TLN2: variants seen among roughly 807,000 people sequenced by gnomAD.
TLN2 encodes talin 2, also known as talin-2.
Under a neutral mutation model 294.7 loss-of-function variants are expected in TLN2, and 118 were observed. The ratio of observed to expected loss-of-function variants is 0.40; its 90% confidence interval spans 0.34 to 0.47. TLN2 has a LOEUF of 0.47. TLN2 is among the 20% of genes least tolerant of loss of function. The probability of loss-of-function intolerance (pLI) is 0.84; values close to 1 mark genes in which losing one functional copy is unlikely to be tolerated. For synonymous variants in TLN2, 1,431 were observed against 1,304.5 expected, an observed-to-expected ratio of 1.10 and a Z score of -2.09; for missense variants, 3,083 against 3,282.2, an observed-to-expected ratio of 0.94 and a Z score of 1.48.
intron 2 of TLN2, among the ~76,000 whole-genome samples, chr15:62,609,011 G>T (rs1382118653): frequency 6.6e-6 from 1 of 152,066 alleles, no homozygotes; most frequent in Non-Finnish European, 1.5e-5. Context: ...GAGCATAGAG[G>T]CCGGGCACTA....
chr15:62,705,167 A>T (rs765215966), intron 19 of TLN2, among the ~76,000 whole-genome samples: 1 of 152,242 alleles, frequency 6.6e-6, no homozygotes, highest in African/African-American at 2.4e-5. Flanking sequence ...GTTCAGGTTC[A>T]GGGTGACAGT....
At chr15:62,549,116 CT>C (rs1234500565) in intron 1 of TLN2, among the ~76,000 whole-genome samples, 3 of 152,060 alleles carry the variant, frequency 2.0e-5, no homozygotes, top group Non-Finnish European at 4.4e-5. Flanking sequence ...AATTAGCTGC[CT>C]TTAATTGAGA....
chr15:62,505,318 C>CT (rs2039555789), intron 1 of TLN2, among the ~76,000 whole-genome samples: 1 of 152,196 alleles, frequency 6.6e-6, no homozygotes, highest in Non-Finnish European at 1.5e-5. Context: ...CCTTGCCCTC[C>CT]TCTTCCTCTT....
chr15:62,481,052 C>A (rs909414932), intron 1 of TLN2, among the ~76,000 whole-genome samples: 2 of 152,144 alleles, frequency 1.3e-5, no homozygotes, highest in African/African-American at 2.4e-5. Context: ...CGAACTAGTC[C>A]ATTTTTTCAT....
chr15:62,680,168 A>T (rs1177359688), intron 11 of TLN2, among the ~76,000 whole-genome samples: 1 of 152,032 alleles, frequency 6.6e-6, no homozygotes, highest in South Asian at 2.1e-4. Flanking sequence ...TTTCCTTTTC[A>T]TATATACTTT....
intron 1 of TLN2, among the ~76,000 whole-genome samples, chr15:62,462,042 G>A (rs2140342256): frequency 6.6e-6 from 1 of 152,114 alleles, no homozygotes; most frequent in East Asian, 1.9e-4. Context: ...CCGATATGGT[G>A]AAACCCCGTC....
At chr15:62,756,283 A>C (rs1169916179) in intron 37 of TLN2, among the ~76,000 whole-genome samples, 3 of 152,180 alleles carry the variant, frequency 2.0e-5, no homozygotes, top group East Asian at 3.9e-4. Flanking sequence ...CTTTGCATTA[A>C]GGTATATGGG....
chr15:62,575,559 A>T (rs2044312622), intron 1 of TLN2, among the ~76,000 whole-genome samples: 1 of 152,104 alleles, frequency 6.6e-6, no homozygotes, highest in South Asian at 2.1e-4. Flanking sequence ...GAGCTAAATA[A>T]TGGAGGTTTT....
intron 57 of TLN2, chr15:62,838,292 A>G (rs2070045081): frequency 6.6e-6 from 1 of 152,338 alleles, no homozygotes; most frequent in South Asian, 2.1e-4. Context: ...GGATGCAGGG[A>G]TTCCGGTCAC....
chr15:62,741,748 C>CGCGTGTGT, intron 32 of TLN2, among the ~76,000 whole-genome samples: 2 of 131,070 alleles, frequency 1.5e-5, no homozygotes, highest in African/African-American at 5.8e-5. Flanking sequence ...AAAATTTGCG[C>CGCGTGTGT]GTGTGTGTGT....
At position 62,635,394 on chromosome 15, in the gene TLN2, C is replaced by T. The variant is rs1029275010; in HGVS notation, c.-36-11881C>T. Among the ~76,000 whole-genome samples the T allele has an allele frequency of 3.3e-5, 5 of 151,854 alleles. No homozygotes were observed. In the South Asian group the frequency reaches 8.3e-4, roughly 25 times the overall value. Reference sequence around the variant, plus strand: ...ACAGCTATTAAATTAAATTATGGGGCCTTATTTACAATATTATGTATTTAT... The same window carrying T: ...ACAGCTATTAAATTAAATTATGGGGTCTTATTTACAATATTATGTATTTAT... On this transcript the variant is annotated intron_variant, in intron 3 of 58. Transcript: ENST00000636159.
chr15:62,461,232 C>G (rs2036787342), intron 1 of TLN2, among the ~76,000 whole-genome samples: 1 of 152,204 alleles, frequency 6.6e-6, no homozygotes, highest in Non-Finnish European at 1.5e-5. Flanking sequence ...GCGTGAGCCA[C>G]CGCGTCTGGC....
In TLN2 at chr15:62,427,756, T is replaced by C. The variant is rs1486410963; in HGVS notation, c.-238+37071T>C. Among the ~76,000 whole-genome samples, 7 of 152,284 alleles carry C rather than the reference T, an allele frequency of 4.6e-5. No homozygotes were observed. The East Asian group carries it at 1.2e-3, about 25-fold the overall frequency. On this transcript the variant is annotated intron_variant, in intron 1 of 58. Coordinates refer to ENST00000636159, the MANE Select transcript of TLN2 (RefSeq NM_015059.3). ...GGCCATGCCATGCAGACAACAAATA[T>C]GTAAATTGGATCTCAGCTTTGGGGG...
intron 40 of TLN2, among the ~76,000 whole-genome samples, chr15:62,765,088 C>T (rs2062914720): frequency 6.6e-6 from 1 of 151,316 alleles, no homozygotes; most frequent in Non-Finnish European, 1.5e-5. Context: ...TTAACTCCCT[C>T]ACTAGGAAGA....
chr15:62,673,833 G>A lies in TLN2; in HGVS notation c.795G>A (p.Lys265=), dbSNP rs761800640. 1 of 1,612,964 alleles carries A rather than the reference G, an allele frequency of 6.2e-7. No homozygotes were observed. Among genetic ancestry groups the A allele is most frequent in the South Asian group, 1.1e-5 (1 of 90,958 alleles). Residue 265 remains lysine, a synonymous_variant, in exon 10 of 59, where the codon AAG becomes AAA. Transcript: ENST00000636159. The stretch of plus-strand genomic sequence containing the variant: ...TTAAATGTCTCTCTCTTAGTCTGAA[G>A]GAATTCCTGCCCAAAGAATATATCA... ...HKHKPGFLDL[K]EFLPKEYIKQ...
At chr15:62,689,446 C>T (rs1201613073) in intron 12 of TLN2, among the ~76,000 whole-genome samples, 1 of 152,160 alleles carries the variant, frequency 6.6e-6, no homozygotes, top group Non-Finnish European at 1.5e-5. Flanking sequence ...CCGTCTATTA[C>T]ACTTCCCTTT....
At chr15:62,669,737 AAAC>A (rs956671711) in intron 9 of TLN2, among the ~76,000 whole-genome samples, 1 of 152,310 alleles carries the variant, frequency 6.6e-6, no homozygotes, top group South Asian at 2.1e-4. Flanking sequence ...TTGGTAATCA[AAAC>A]AACAACTGAG....
At chr15:62,824,977 AG>A (rs1416931486) in intron 54 of TLN2, among the ~76,000 whole-genome samples, 1 of 152,242 alleles carries the variant, frequency 6.6e-6, no homozygotes, top group Non-Finnish European at 1.5e-5. Flanking sequence ...TACTGTGTCT[AG>A]AAGTCATTGC....
At chr15:62,556,724 T>G (rs917515387) in intron 1 of TLN2, among the ~76,000 whole-genome samples, 2 of 152,218 alleles carry the variant, frequency 1.3e-5, no homozygotes, top group Non-Finnish European at 2.9e-5. Flanking sequence ...TTTGAGTACT[T>G]TATTTTGTTT....
Sources: gnomAD v4.1 joint callset for allele counts (sites outside exome capture counted in the v4.1 genomes callset) on GRCh38, gnomAD v4.1.1 for gene constraint, MANE v1.5 for transcripts, NCBI Gene and HGNC (gene_info 2026-07-23, HGNC 2026-07-21) for gene names.